Variants in PIGU observed in about 807,000 individuals in gnomAD.
The protein encoded by PIGU is GPI-anchor transamidase component PIGU.
A neutral mutation model predicts 49.9 loss-of-function variants in PIGU; 24 were observed. That is an observed-to-expected ratio of 0.48 (90% CI 0.35 to 0.68). The LOEUF is 0.68. Ranked by LOEUF, PIGU falls within the 30% of genes least tolerant of loss-of-function variation. The pLI, the probability that PIGU is intolerant of heterozygous loss-of-function variation, is 0.01. For missense variants in PIGU, 490 were observed against 532.6 expected (o/e 0.92, Z 0.79); for synonymous variants, 220 against 205.7 (o/e 1.07, Z -0.59).
At chr20:34,663,089 G>C (rs946996379) in intron 1 of PIGU, among the ~76,000 whole-genome samples, 1 of 152,010 alleles carries the variant, frequency 6.6e-6, no homozygotes, top group Non-Finnish European at 1.5e-5. Context: ...TTTTTTGGTA[G>C]AGACAGTGTC....
At chr20:34,576,233 TA>T (rs899791421) in intron 10 of PIGU, among the ~76,000 whole-genome samples, 2 of 151,956 alleles carry the variant, frequency 1.3e-5, no homozygotes, top group East Asian at 3.9e-4. Flanking sequence ...AATTTAAAAA[TA>T]AAAAATGTTT....
At chr20:34,609,372 T>G (rs762620957) in intron 7 of PIGU, among the ~76,000 whole-genome samples, 4 of 152,074 alleles carry the variant, frequency 2.6e-5, no homozygotes, top group Non-Finnish European at 5.9e-5. Context: ...TTTTGTTTTT[T>G]TTTTGTTTTT....
chr20:34,670,610 G>A (rs1195694710), intron 1 of PIGU, among the ~76,000 whole-genome samples: 5 of 152,006 alleles, frequency 3.3e-5, no homozygotes, highest in African/African-American at 1.2e-4. Context: ...TGCAATCTTG[G>A]CTCACTGCAG....
chr20:34,613,208 G>A (rs2146738108), intron 7 of PIGU, among the ~76,000 whole-genome samples: 1 of 152,112 alleles, frequency 6.6e-6, no homozygotes, highest in Middle Eastern at 3.4e-3. Context: ...CTAGTACAAT[G>A]TTCTAAGCTT....
At chr20:34,606,145 C>T (rs889355347) in intron 7 of PIGU, among the ~76,000 whole-genome samples, 1 of 150,688 alleles carries the variant, frequency 6.6e-6, no homozygotes, top group African/African-American at 2.4e-5. Context: ...GTCCCAGCTA[C>T]TTGGGAGGCT....
At chr20:34,669,910 C>G (rs1019691746) in intron 1 of PIGU, among the ~76,000 whole-genome samples, 5 of 151,990 alleles carry the variant, frequency 3.3e-5, no homozygotes, top group South Asian at 4.1e-4. Flanking sequence ...AAACTTTTTT[C>G]TTAGGGGCAA....
chr20:34,658,525 C>T (rs1362510789), intron 1 of PIGU, among the ~76,000 whole-genome samples: 3 of 151,176 alleles, frequency 2.0e-5, no homozygotes, highest in Admixed American at 6.6e-5. Context: ...TCTGCCCAGC[C>T]GCCATCCCAT....
chr20:34,666,799 C>T (rs1987117257), intron 1 of PIGU, among the ~76,000 whole-genome samples: 2 of 150,814 alleles, frequency 1.3e-5, no homozygotes, highest in African/African-American at 2.4e-5. Context: ...CGGGTTGACG[C>T]CATTCTCCTG....
At chr20:34,606,156 G>A (rs972220039) in intron 7 of PIGU, among the ~76,000 whole-genome samples, 1 of 151,340 alleles carries the variant, frequency 6.6e-6, no homozygotes, top group Non-Finnish European at 1.5e-5. Flanking sequence ...TTGGGAGGCT[G>A]AGGCAGGAGA....
At chr20:34,568,937 C>T (rs1600585306) in intron 11 of PIGU, among the ~76,000 whole-genome samples, 3 of 152,206 alleles carry the variant, frequency 2.0e-5, no homozygotes, top group East Asian at 3.9e-4. Flanking sequence ...TGGCCAGGTG[C>T]GGCAGCTGAC....
chr20:34,595,455 T>C (rs1984165230), intron 7 of PIGU, among the ~76,000 whole-genome samples: 1 of 152,226 alleles, frequency 6.6e-6, no homozygotes, highest in Admixed American at 6.5e-5. Flanking sequence ...TAGGGACTTG[T>C]ACATCCTGAG....
Position 34,617,197 on chromosome 20 carries a change from G to T in PIGU, c.530-1058C>A, listed in dbSNP as rs561024132. Among the ~76,000 whole-genome samples, 18 of 152,256 alleles carry T rather than the reference G, an allele frequency of 1.2e-4. No homozygotes were observed. In the East Asian group the frequency reaches 3.1e-3, roughly 26 times the overall value. On this transcript the variant is annotated intron_variant, in intron 6 of 11. Coordinates refer to ENST00000217446, the MANE Select transcript of PIGU (RefSeq NM_080476.5). ...GAGCCCCCACACAGAGTCCCTACTG[G>T]GGCACCACCCAGTGGAGCTGAGAAG...
intron 5 of PIGU, among the ~76,000 whole-genome samples, chr20:34,634,965 C>T (rs867992408): frequency 7.9e-5 from 12 of 152,096 alleles, no homozygotes; most frequent in Non-Finnish European, 1.3e-4. Flanking sequence ...TCACAGAGAT[C>T]CTGTAACTCA....
intron 7 of PIGU, among the ~76,000 whole-genome samples, chr20:34,589,295 A>T (rs1264413406): frequency 6.6e-6 from 1 of 152,194 alleles, no homozygotes; most frequent in Non-Finnish European, 1.5e-5. Context: ...GAAAAGAAAT[A>T]AACAAGTAAA....
chr20:34,575,529 C>T (rs1020078854), intron 10 of PIGU, among the ~76,000 whole-genome samples: 2 of 152,116 alleles, frequency 1.3e-5, no homozygotes, highest in Admixed American at 6.5e-5. Context: ...ATGAGTGCCT[C>T]GGGGCACCAA....
intron 1 of PIGU, among the ~76,000 whole-genome samples, chr20:34,673,936 C>T (rs1006860098): frequency 3.9e-5 from 6 of 152,072 alleles, no homozygotes; most frequent in Non-Finnish European, 5.9e-5. Context: ...GCCTGTAGTC[C>T]CAGCTACTTG....
chr20:34,616,187 G>A (rs1236411292), intron 6 of PIGU, 48 bp from the exon 7 acceptor site: 1 of 1,590,658 alleles, frequency 6.3e-7, no homozygotes, highest in Non-Finnish European at 8.6e-7. Flanking sequence ...CATCAATCAT[G>A]ATTAGACTCA....
chr20:34,641,697 A>T (rs1986169657), intron 4 of PIGU, among the ~76,000 whole-genome samples: 1 of 152,140 alleles, frequency 6.6e-6, no homozygotes, highest in Non-Finnish European at 1.5e-5. Flanking sequence ...CTCAAATCCC[A>T]CCAAGATTTA....
At chr20:34,575,911 G>C (rs1983211535) in intron 10 of PIGU, among the ~76,000 whole-genome samples, 1 of 152,176 alleles carries the variant, frequency 6.6e-6, no homozygotes, top group Non-Finnish European at 1.5e-5. Flanking sequence ...GCTACTCAAG[G>C]GTGATCCAGA....
Sources: gnomAD v4.1 joint callset for allele counts (sites outside exome capture counted in the v4.1 genomes callset) on GRCh38, gnomAD v4.1.1 for gene constraint, MANE v1.5 for transcripts, NCBI Gene and HGNC (gene_info 2026-07-23, HGNC 2026-07-21) for gene names.